Variants in DSCAML1 observed in about 807,000 individuals in gnomAD.
DSCAML1 encodes cell adhesion molecule DSCAML1.
A neutral mutation model predicts 200.5 loss-of-function variants in DSCAML1; 38 were observed. The observed-to-expected ratio is 0.19, with a 90% CI of 0.15 to 0.25. The LOEUF (loss-of-function observed/expected upper bound fraction) is 0.25, where lower values mean the gene tolerates loss of function less well. Ranked by LOEUF, DSCAML1 falls within the 10% of genes least tolerant of loss-of-function variation. The pLI, the probability that DSCAML1 is intolerant of heterozygous loss-of-function variation, is 1.00. For missense variants in DSCAML1, 2,223 were observed against 2,858.8 expected (o/e 0.78, Z 5.07); for synonymous variants, 1,215 against 1,165.0 (o/e 1.04, Z -0.87).
intron 3 of DSCAML1, among the ~76,000 whole-genome samples, chr11:117,743,253 G>C (rs1234289566): frequency 2.0e-5 from 3 of 152,220 alleles, no homozygotes; most frequent in Non-Finnish European, 4.4e-5. Context: ...AGAGAGAGGA[G>C]TGGAGGCCCA....
At chr11:117,796,663 C>A (rs529888550) in intron 1 of DSCAML1, among the ~76,000 whole-genome samples, 82 of 152,336 alleles carry the variant, frequency 5.4e-4, no homozygotes, top group African/African-American at 1.9e-3. Flanking sequence ...GGCCTGAGGA[C>A]CCCTCGACTC....
At chr11:117,629,744 C>T (rs748145365) in intron 3 of DSCAML1, among the ~76,000 whole-genome samples, 9 of 152,112 alleles carry the variant, frequency 5.9e-5, no homozygotes, top group Non-Finnish European at 8.8e-5. Flanking sequence ...CTCCTGTAAT[C>T]CCAGAGCTTT....
At chr11:117,657,990 G>A (rs1278669298) in intron 3 of DSCAML1, among the ~76,000 whole-genome samples, 1 of 152,110 alleles carries the variant, frequency 6.6e-6, no homozygotes, top group East Asian at 1.9e-4. Context: ...ATCACCTTAC[G>A]GCACTGGAGC....
intron 3 of DSCAML1, among the ~76,000 whole-genome samples, chr11:117,664,091 C>T (rs1056821127): frequency 4.6e-5 from 7 of 152,166 alleles, no homozygotes; most frequent in Non-Finnish European, 8.8e-5. Flanking sequence ...AGAGAGAGGG[C>T]GTAGTTCCAG....
intron 1 of DSCAML1, among the ~76,000 whole-genome samples, chr11:117,816,808 G>GAGC (rs140947261): frequency 1.6e-5 from 2 of 128,110 alleles, no homozygotes; most frequent in Non-Finnish European, 3.5e-5. Context: ...TGGGGGGGTG[G>GAGC]GGTGGAGATT....
chr11:117,726,396 T>C (rs1481964055), intron 3 of DSCAML1, among the ~76,000 whole-genome samples: 1 of 152,038 alleles, frequency 6.6e-6, no homozygotes, highest in Non-Finnish European at 1.5e-5. Flanking sequence ...TTTGTTGTTG[T>C]TAGTATAGGA....
chr11:117,438,964 G>A lies in DSCAML1; in HGVS notation c.4164C>T (p.Arg1388=). The part of the protein sequence containing the change: ...LLVQVPPDQP[R]LTVSKTSASS... ...AAGCTGAGGTTTTGGAGACAGTGAG[G>A]CGGGGCTGGTCCGGGGGAACTGTGA... The change falls in exon 24 of 33, where the codon CGC becomes CGT. Residue 1388 remains arginine (R), a synonymous_variant. Transcript: ENST00000651296. 2 of 1,607,420 alleles carry A rather than the reference G, an allele frequency of 1.2e-6. No homozygotes were observed. Among genetic ancestry groups the A allele is most frequent in the Non-Finnish European group, 1.7e-6 (2 of 1,177,802 alleles).
In DSCAML1 at chr11:117,703,161, G is replaced by T. The variant is rs147543929; in HGVS notation, c.511+73630C>A. On this transcript the variant is annotated intron_variant, in intron 3 of 32. Coordinates refer to ENST00000651296, the MANE Select transcript of DSCAML1 (RefSeq NM_020693.4). ...AGAGCCTGCCGAGAATTTCAGGGCTGCCCAGCAACTCCATTATGCAAACCA... is the reference window on the plus strand; with the variant it reads ...AGAGCCTGCCGAGAATTTCAGGGCTTCCCAGCAACTCCATTATGCAAACCA... Among the ~76,000 whole-genome samples, 35 of 152,306 alleles carry T rather than the reference G, an allele frequency of 2.3e-4. 1 individual carries two copies. The highest frequency in any genetic ancestry group is 1.7e-3 in the Admixed American group (26 of 15,304).
At chr11:117,636,833 A>G (rs1168269156) in intron 3 of DSCAML1, among the ~76,000 whole-genome samples, 3 of 152,214 alleles carry the variant, frequency 2.0e-5, no homozygotes, top group Non-Finnish European at 2.9e-5. Context: ...TTATACATGA[A>G]AAGAGCCTGG....
At chr11:117,514,549 TACTTA>T (rs1369747569) in intron 8 of DSCAML1, among the ~76,000 whole-genome samples, 3 of 151,450 alleles carry the variant, frequency 2.0e-5, no homozygotes, top group Non-Finnish European at 4.4e-5. Context: ...GATGGCAATT[TACTTA>T]ACTTTTCTTT....
At chr11:117,655,882 C>G (rs1042914024) in intron 3 of DSCAML1, among the ~76,000 whole-genome samples, 1 of 152,188 alleles carries the variant, frequency 6.6e-6, no homozygotes, top group African/African-American at 2.4e-5. Context: ...CCACAGAAAG[C>G]ACCGCTAGTG....
At chr11:117,439,576 C>CT (rs2048001326) in intron 22 of DSCAML1, 147 bp from the exon 23 acceptor site, 12 of 1,151,300 alleles carry the variant, frequency 1.0e-5, no homozygotes, top group Non-Finnish European at 1.3e-5. Context: ...TCAGCACTCC[C>CT]TGGGGGTATG....
At chr11:117,705,152 C>G (rs1393980547) in intron 3 of DSCAML1, among the ~76,000 whole-genome samples, 1 of 152,088 alleles carries the variant, frequency 6.6e-6, no homozygotes, top group Non-Finnish European at 1.5e-5. Context: ...TGATTTTCCC[C>G]CCAGCAGACT....
At position 117,780,266 on chromosome 11, in the gene DSCAML1, A is replaced by AAG. The variant is rs1398666921; in HGVS notation, c.364+225_364+226dup. The stretch of plus-strand genomic sequence containing the variant: ...AAAGAAAGAAAGAAAGAAAGAAAGA[A>AAG]AGAAAGAAAGAAAGAAAGAAAGAAA... On this transcript the variant is annotated intron_variant, in intron 2 of 32. Coordinates refer to ENST00000651296, the MANE Select transcript of DSCAML1 (RefSeq NM_020693.4). This position sits in a 1 kb window ranked among gnomAD's most constrained non-coding sequence, Gnocchi z 4.8. 3.2e-5 allele frequency among the ~76,000 whole-genome samples: 3 copies of AAG among 94,778 alleles called. No individual in the cohort carries two copies. Among genetic ancestry groups the AAG allele is most frequent in the Non-Finnish European group, 7.6e-5 (3 of 39,598 alleles). 62.2% of individuals were successfully genotyped at this position (94,778 alleles called of 152,430 possible).
intron 3 of DSCAML1, among the ~76,000 whole-genome samples, chr11:117,569,361 T>C (rs112118203): frequency 0.089 from 13,478 of 152,258 alleles, 668 homozygotes; most frequent in Middle Eastern, 0.14. Context: ...AAAGCCAAAA[T>C]TGACAAATGG....
Position 117,642,005 on chromosome 11 carries a change from C to G in DSCAML1, c.512-109483G>C, listed in dbSNP as rs2137596470. Among the ~76,000 whole-genome samples the G allele has an allele frequency of 6.6e-6, 1 of 152,282 alleles. No homozygotes were observed. The highest frequency in any genetic ancestry group is 2.1e-4 in the South Asian group (1 of 4,828). ...TGTCTTCTGCCACCAAGCTAGCAGT[C>G]TCCTGCTACCCCACCCTGCCTCTCC... On this transcript the variant is annotated intron_variant, in intron 3 of 32. Transcript: ENST00000651296. The surrounding 1 kb of genome is among the most constrained non-coding windows in gnomAD (Gnocchi z 4.1).
At chr11:117,585,533 A>G (rs902254494) in intron 3 of DSCAML1, among the ~76,000 whole-genome samples, 1 of 152,208 alleles carries the variant, frequency 6.6e-6, no homozygotes, top group Non-Finnish European at 1.5e-5. Flanking sequence ...GGTGTGAGCC[A>G]CCACACCTGG....
At position 117,437,758 on chromosome 11, in the gene DSCAML1, G is replaced by C. The variant is rs1305023134; in HGVS notation, c.4432+137C>G. On this transcript the variant is annotated intron_variant, in intron 25 of 32. Transcript: ENST00000651296. This position sits in a 1 kb window ranked among gnomAD's most constrained non-coding sequence, Gnocchi z 5.3. ...CTGTGGTGACGGGAAGGAGGCTGAG[G>C]CTCCTCCCTTCAGTCTCCCTGCATC... The C allele has an allele frequency of 5.1e-6, 5 of 989,922 alleles. No homozygotes were observed. In the South Asian group the frequency reaches 8.7e-5, roughly 17 times the overall value. The allele number at this position is 989,922 out of a possible 1,614,324, so 61.3% of individuals were successfully genotyped here.
At chr11:117,519,861 T>G (rs949561826) in intron 6 of DSCAML1, among the ~76,000 whole-genome samples, 4 of 152,172 alleles carry the variant, frequency 2.6e-5, no homozygotes, top group African/African-American at 9.6e-5. Flanking sequence ...AGACAAATGT[T>G]TGTCTGGTCG....
Sources: allele counts gnomAD v4.1 joint callset (sites outside exome capture counted in the v4.1 genomes callset), GRCh38; gene constraint gnomAD v4.1.1; non-coding constraint Gnocchi (gnomAD v3.1); transcripts MANE v1.5; gene names NCBI Gene and HGNC (gene_info 2026-07-23, HGNC 2026-07-21).